Variants in SSX2IP observed in about 807,000 individuals in gnomAD.
SSX2IP encodes the protein afadin- and alpha-actinin-binding protein.
A neutral mutation model predicts 84.9 loss-of-function variants in SSX2IP; 55 were observed. That is an observed-to-expected ratio of 0.65 (90% confidence interval 0.52 to 0.81). The LOEUF is 0.81. SSX2IP is among the 30% of genes least tolerant of loss of function. The pLI, the probability that SSX2IP is intolerant of heterozygous loss-of-function variation, is 0.00. For missense variants in SSX2IP, 664 were observed against 705.2 expected (o/e 0.94, Z 0.66); for synonymous variants, 239 against 234.7 (o/e 1.02, Z -0.17).
Position 84,658,412 on chromosome 1 carries a change from G to T in SSX2IP, c.984C>A (p.Asp328Glu). 4.3e-6 allele frequency: 7 copies of T among 1,614,094 alleles called. No individual in the cohort carries two copies. Among genetic ancestry groups the T allele is most frequent in the Non-Finnish European group, 5.9e-6 (7 of 1,180,006 alleles). The change falls in exon 9 of 14, where the codon GAC (aspartate) becomes GAA (glutamate). Residue 328 changes from aspartate (D) to glutamate (E), a missense_variant. Asp to Glu is a conservative substitution (Grantham distance 45). Transcript: ENST00000342203. ...GCTCTCTCACAGTTTCACAGGAAAG[G>T]TCCCACATACTCTCTCTGCTTAGTT... ...AGELSRESMWDLSCETVREQL... is the reference protein window; with the variant it reads ...AGELSRESMWELSCETVREQL...
At chr1:84,655,264 AG>A in intron 11 of SSX2IP, 1 of 955,740 alleles carries the variant, frequency 1.0e-6, no homozygotes, top group Non-Finnish European at 1.3e-6. Flanking sequence ...ATGAGAAAGG[AG>A]GATACTTTCT....
chr1:84,689,005 G>C (rs1656197704), intron 1 of SSX2IP, among the ~76,000 whole-genome samples: 1 of 152,156 alleles, frequency 6.6e-6, no homozygotes, highest in African/African-American at 2.4e-5. Flanking sequence ...ATTAACAGCA[G>C]GCAGAACAGA....
Position 84,645,511 on chromosome 1 carries a change from CAG to C in SSX2IP, c.*1920_*1921del, listed in dbSNP as rs1384664612. 3.9e-5 allele frequency: 6 copies of C among 152,146 alleles called. No individual in the cohort carries two copies. The highest frequency in any genetic ancestry group is 7.4e-5 in the Non-Finnish European group (5 of 68,024). 9.4% of individuals were successfully genotyped at this position (152,146 alleles called of 1,614,324 possible). On this transcript the variant is annotated 3_prime_UTR_variant, in exon 14 of 14. Coordinates refer to ENST00000342203, the MANE Select transcript of SSX2IP (RefSeq NM_001166293.2). ...TAAAATGGAAACACGCAACAAAAAA[CAG>C]ATGCTGCTTTCTAGAACTCCATTGT... is the stretch of plus-strand genomic sequence containing the variant.
intron 2 of SSX2IP, 112 bp from the exon 3 acceptor site, chr1:84,670,927 T>C (rs1302460373): frequency 1.2e-6 from 1 of 812,854 alleles, no homozygotes; most frequent in Non-Finnish European, 1.9e-6. Flanking sequence ...AACATAGATA[T>C]AATATATACA....
intron 1 of SSX2IP, among the ~76,000 whole-genome samples, chr1:84,673,653 A>C (rs1018187481): frequency 4.6e-5 from 7 of 152,308 alleles, no homozygotes; most frequent in African/African-American, 1.7e-4. Flanking sequence ...GACCAGTGTT[A>C]AACTACAGTT....
At chr1:84,685,064 G>A (rs1655598389) in intron 1 of SSX2IP, among the ~76,000 whole-genome samples, 1 of 152,156 alleles carries the variant, frequency 6.6e-6, no homozygotes, top group Non-Finnish European at 1.5e-5. Flanking sequence ...AACGTGTCAT[G>A]AGCCAAGGAA....
At chr1:84,658,966 A>C (rs985257344) in intron 8 of SSX2IP, among the ~76,000 whole-genome samples, 8 of 142,578 alleles carry the variant, frequency 5.6e-5, no homozygotes, top group Non-Finnish European at 1.2e-4. Context: ...TTTTTTATAT[A>C]ACGGGAGATA....
chr1:84,657,343 G>T (rs1651266427), intron 9 of SSX2IP, among the ~76,000 whole-genome samples: 1 of 152,036 alleles, frequency 6.6e-6, no homozygotes, highest in Admixed American at 6.6e-5. Context: ...GGAAAGTATA[G>T]AAAAATATGC....
chr1:84,672,048 C>T (rs551789740), intron 1 of SSX2IP, among the ~76,000 whole-genome samples: 3 of 152,002 alleles, frequency 2.0e-5, no homozygotes, highest in Non-Finnish European at 4.4e-5. Flanking sequence ...AACAAACAGC[C>T]AAAACTACAA....
chr1:84,648,577 C>G (rs1156776635), intron 13 of SSX2IP, among the ~76,000 whole-genome samples: 2 of 151,892 alleles, frequency 1.3e-5, no homozygotes, highest in African/African-American at 4.8e-5. Flanking sequence ...AAATATTTCA[C>G]AACTAAAAAT....
chr1:84,676,867 C>G (rs6670434), intron 1 of SSX2IP, among the ~76,000 whole-genome samples: 4 of 151,798 alleles, frequency 2.6e-5, no homozygotes, highest in African/African-American at 9.7e-5. Context: ...GGATTACAGG[C>G]GGATGCCTAG....
intron 8 of SSX2IP, 70 bp downstream of exon 8, chr1:84,662,128 G>A (rs1652082727): frequency 9.7e-7 from 1 of 1,030,860 alleles, no homozygotes; most frequent in Non-Finnish European, 1.4e-6. Context: ...CATTGAGAAT[G>A]CCTACCACAT....
intron 1 of SSX2IP, 72 bp downstream of exon 1, chr1:84,690,299 C>CGGCGCCCACCCCCGCCCGCCCCTCCCT (rs1343825389): frequency 6.6e-6 from 1 of 151,246 alleles, no homozygotes; most frequent in Non-Finnish European, 1.5e-5. Context: ...CGCCCCTTGC[C>CGGCGCCCACCCCCGCCCGCCCCTCCCT]GGCGCCCACC....
At chr1:84,662,151 C>T (rs1652085459) in intron 8 of SSX2IP, 47 bp downstream of exon 8, 6 of 1,288,636 alleles carry the variant, frequency 4.7e-6, no homozygotes, top group Non-Finnish European at 6.4e-6. Context: ...TTTAATTATT[C>T]TTATTAGCAA....
intron 1 of SSX2IP, among the ~76,000 whole-genome samples, chr1:84,685,718 C>T (rs1270920913): frequency 2.0e-5 from 3 of 152,160 alleles, no homozygotes; most frequent in Admixed American, 1.3e-4. Flanking sequence ...CTGAGCCTAT[C>T]GCCTCATTAT....
At chr1:84,683,704 G>A (rs1655394744) in intron 1 of SSX2IP, among the ~76,000 whole-genome samples, 1 of 152,188 alleles carries the variant, frequency 6.6e-6, no homozygotes, top group Non-Finnish European at 1.5e-5. Context: ...TTAGTGTAAG[G>A]TTTGCTGCTG....
chr1:84,648,212 G>A (rs183486545), intron 13 of SSX2IP, among the ~76,000 whole-genome samples: 158 of 152,174 alleles, frequency 1.0e-3, no homozygotes, highest in Non-Finnish European at 1.8e-3. Flanking sequence ...AGAGAACCAA[G>A]TTTATCAAAT....
At chr1:84,688,018 T>C (rs4434855) in intron 1 of SSX2IP, among the ~76,000 whole-genome samples, 139,435 of 152,234 alleles carry the variant, frequency 0.92, 64,167 homozygotes, top group East Asian at 1. Context: ...TGATAATTTC[T>C]AAAATACAAA....
rs1216958744 is a variant in SSX2IP at position 84,645,377 on chromosome 1, T to C, written c.*2056A>G. 2.0e-5 allele frequency: 3 copies of C among 152,162 alleles called. No individual in the cohort carries two copies. The highest frequency in any genetic ancestry group is 1.9e-4 in the East Asian group (1 of 5,194). The allele number at this position is 152,162 out of a possible 1,614,324, so 9.4% of individuals were successfully genotyped here. ...TACAACTTCTGGATCTATGCAGACA[T>C]TGAAGGTGCAATGAGTCTGGCTTTT... On this transcript the variant is annotated 3_prime_UTR_variant, in exon 14 of 14. Coordinates refer to ENST00000342203, the MANE Select transcript of SSX2IP (RefSeq NM_001166293.2).
Sources: gnomAD v4.1 joint callset for allele counts (sites outside exome capture counted in the v4.1 genomes callset) on GRCh38, gnomAD v4.1.1 for gene constraint, MANE v1.5 for transcripts, NCBI Gene and HGNC (gene_info 2026-07-23, HGNC 2026-07-21) for gene names.